Variants in ARHGEF7 observed in about 807,000 individuals in gnomAD.
ARHGEF7 encodes PAK-interacting exchange factor beta.
ARHGEF7 carries 33 observed loss-of-function variants against 109.8 expected under a neutral mutation model. That is an observed-to-expected ratio of 0.30 (90% CI 0.23 to 0.40). The LOEUF is 0.40. Among genes scored for constraint, ARHGEF7 ranks in the 10% least tolerant of loss-of-function variants. The pLI is 1.00. For synonymous variants in ARHGEF7, 458 were observed against 424.6 expected (o/e 1.08, Z -0.97); for missense variants, 938 against 1,098.5 (o/e 0.85, Z 2.07).
chr13:111,176,727 G>A (rs1233682613), intron 2 of ARHGEF7, among the ~76,000 whole-genome samples: 1 of 152,176 alleles, frequency 6.6e-6, no homozygotes, highest in Non-Finnish European at 1.5e-5. Context: ...GATCTGAGAT[G>A]TCCTTAGGTA....
chr13:111,174,328 ATCCC>A, intron 2 of ARHGEF7, among the ~76,000 whole-genome samples: 1 of 152,318 alleles, frequency 6.6e-6, no homozygotes, highest in African/African-American at 2.4e-5. Flanking sequence ...TGCCTGTGGA[ATCCC>A]TCTGTTGGCA....
intron 7 of ARHGEF7, 81 bp downstream of exon 7, chr13:111,244,047 G>A (rs2088320870): frequency 7.5e-7 from 1 of 1,335,072 alleles, no homozygotes; most frequent in African/African-American, 1.5e-5. Flanking sequence ...AGAATAGAGG[G>A]TTAAATAGTG....
intron 5 of ARHGEF7, among the ~76,000 whole-genome samples, chr13:111,218,293 C>A (rs572997073): frequency 5.3e-4 from 81 of 152,016 alleles, no homozygotes; most frequent in Middle Eastern, 3.4e-3. Context: ...TTCTGTCATT[C>A]TCTTTGTACT....
In ARHGEF7 at chr13:111,258,062, G is replaced by A. The variant is rs982672128; in HGVS notation, c.951-9486G>A. The stretch of plus-strand genomic sequence containing the variant: ...GGCTCTGAGCCAGTGGCCTTGGGGG[G>A]CCTGCAACCTAGTGAGACCTCAGCC... On this transcript the variant is annotated intron_variant, in intron 8 of 21. Transcript: ENST00000646102. The surrounding 1 kb of genome is among the most constrained non-coding windows in gnomAD (Gnocchi z 4.4). Among the ~76,000 whole-genome samples the A allele has an allele frequency of 1.3e-5, 2 of 152,238 alleles. No homozygotes were observed. The highest frequency in any genetic ancestry group is 6.5e-5 in the Admixed American group (1 of 15,290).
chr13:111,189,593 G>A (rs1251918822), intron 2 of ARHGEF7, among the ~76,000 whole-genome samples: 6 of 152,306 alleles, frequency 3.9e-5, no homozygotes, highest in South Asian at 2.1e-4. Context: ...TGTGAAGAGC[G>A]AAAGAACAAA....
intron 1 of ARHGEF7, among the ~76,000 whole-genome samples, chr13:111,140,449 G>T (rs1435779877): frequency 6.6e-6 from 1 of 152,162 alleles, no homozygotes; most frequent in African/African-American, 2.4e-5. Flanking sequence ...CTTGATGAAT[G>T]GGAGCAAAGA....
chr13:111,222,180 C>T (rs968635111), intron 5 of ARHGEF7, among the ~76,000 whole-genome samples: 15 of 152,150 alleles, frequency 9.9e-5, no homozygotes, highest in Non-Finnish European at 1.8e-4. Context: ...ATCAAGTTGG[C>T]ACTGAGTATT....
intron 8 of ARHGEF7, among the ~76,000 whole-genome samples, chr13:111,244,753 A>T (rs971960556): frequency 6.6e-6 from 1 of 152,226 alleles, no homozygotes; most frequent in Non-Finnish European, 1.5e-5. Flanking sequence ...TGCAAAAGTA[A>T]TTGTGGTTTT....
chr13:111,153,789 C>T (rs1440946746), intron 1 of ARHGEF7, 116 bp from the exon 2 acceptor site: 11 of 1,386,600 alleles, frequency 7.9e-6, no homozygotes, highest in Non-Finnish European at 1.0e-5. Context: ...CCGTCGGGGG[C>T]CGCTCGCCAG....
intron 2 of ARHGEF7, among the ~76,000 whole-genome samples, chr13:111,196,420 G>A (rs2080507626): frequency 6.6e-6 from 1 of 152,174 alleles, no homozygotes; most frequent in Non-Finnish European, 1.5e-5. Context: ...TAAAGACTAG[G>A]GTTTGATCTA....
At chr13:111,181,911 T>G (rs2153430741) in intron 2 of ARHGEF7, among the ~76,000 whole-genome samples, 1 of 152,316 alleles carries the variant, frequency 6.6e-6, no homozygotes, top group South Asian at 2.1e-4. Context: ...TGTGAGCTTT[T>G]CAGGTTGATG....
At chr13:111,269,870 T>C (rs2091994866) in intron 9 of ARHGEF7, among the ~76,000 whole-genome samples, 1 of 152,236 alleles carries the variant, frequency 6.6e-6, no homozygotes, top group African/African-American at 2.4e-5. Flanking sequence ...ACCTCCTGCC[T>C]TTGTACTTGG....
At chr13:111,171,959 A>G (rs1323231213) in intron 2 of ARHGEF7, among the ~76,000 whole-genome samples, 1 of 152,202 alleles carries the variant, frequency 6.6e-6, no homozygotes, top group Admixed American at 6.5e-5. Flanking sequence ...GAATCAGTCC[A>G]TGCCTTGATC....
Position 111,233,395 on chromosome 13 carries a change from A to C in ARHGEF7, c.759+102A>C, listed in dbSNP as rs1018758080. 5 of 923,902 alleles carry C rather than the reference A, an allele frequency of 5.4e-6. No individual in the cohort carries two copies. The African/African-American group carries it at 8.2e-5, about 15-fold the overall frequency. 57.2% of individuals were successfully genotyped at this position (923,902 alleles called of 1,614,324 possible). A position where few individuals can be genotyped will look rare whatever the true frequency, so the allele number is the denominator to read the frequency against. On this transcript the variant is annotated intron_variant, in intron 6 of 21. Transcript: ENST00000646102. ...AAAGTACCTAGAATAGGAAGAAGGA[A>C]ATAAAGTTCATTCATCTGCCACACA...
At position 111,303,854 on chromosome 13, in the gene ARHGEF7, C is replaced by G. The variant is rs1159914858; in HGVS notation, c.*741C>G. ...TTTGCTCTTGTCCGCTGTCTGAGTACTGTGATTCTCAGATGAGTTTGCTGC... is the reference window on the plus strand; with the variant it reads ...TTTGCTCTTGTCCGCTGTCTGAGTAGTGTGATTCTCAGATGAGTTTGCTGC... On this transcript the variant is annotated 3_prime_UTR_variant, in exon 22 of 22. Coordinates refer to ENST00000646102, the MANE Select transcript of ARHGEF7 (RefSeq NM_001354046.2). The G allele has an allele frequency of 6.6e-6, 1 of 152,256 alleles. No homozygotes were observed. The highest frequency in any genetic ancestry group is 1.9e-4 in the East Asian group (1 of 5,200). The allele number at this position is 152,256 out of a possible 1,614,324, so 9.4% of individuals were successfully genotyped here. A position where few individuals can be genotyped will look rare whatever the true frequency, so the allele number is the denominator to read the frequency against.
At chr13:111,292,789 T>C in intron 19 of ARHGEF7, 1 of 997,110 alleles carries the variant, frequency 1.0e-6, no homozygotes, top group Non-Finnish European at 1.2e-6. Context: ...CAAGTAGTTG[T>C]GGAGAGATGA....
Position 111,172,740 on chromosome 13 carries a change from G to T in ARHGEF7, c.252+18749G>T, listed in dbSNP as rs113556720. On this transcript the variant is annotated intron_variant, in intron 2 of 21. Transcript: ENST00000646102. ...CTTGGCAGTTTTCTGTAAAAAGCTA[G>T]ACAGTAACTATCTTGTGGGGGCTGG... 2.4e-3 allele frequency among the ~76,000 whole-genome samples: 365 copies of T among 152,318 alleles called. 1 individual carries two copies. The highest frequency in any genetic ancestry group is 8.5e-3 in the African/African-American group (354 of 41,586).
rs886440389 is a variant in ARHGEF7, at chr13:111,228,969, A to C, written c.671-4236A>C. 1.3e-5 allele frequency among the ~76,000 whole-genome samples: 2 copies of C among 152,008 alleles called. No individual in the cohort carries two copies. The highest frequency in any genetic ancestry group is 2.9e-5 in the Non-Finnish European group (2 of 68,008). ...GGAAGCGGCTGGGTGGCTTCCAGTC[A>C]AGCGGAAGAGGCAAGTGAGGACTCA... On this transcript the variant is annotated intron_variant, in intron 5 of 21. Transcript: ENST00000646102. The surrounding 1 kb of genome is among the most constrained non-coding windows in gnomAD (Gnocchi z 4.6).
chr13:111,257,692 G>C (rs2090594109), intron 8 of ARHGEF7, among the ~76,000 whole-genome samples: 1 of 152,260 alleles, frequency 6.6e-6, no homozygotes, highest in African/African-American at 2.4e-5. Context: ...GGGTAGGAAA[G>C]ACAGTCTTAA....
Sources: allele counts gnomAD v4.1 joint callset (sites outside exome capture counted in the v4.1 genomes callset), GRCh38; gene constraint gnomAD v4.1.1; non-coding constraint Gnocchi (gnomAD v3.1); transcripts MANE v1.5; gene names NCBI Gene and HGNC (gene_info 2026-07-23, HGNC 2026-07-21).